Variants in TG observed in about 807,000 individuals in gnomAD.
The protein encoded by TG is thyroid hormones.
In TG, 270 loss-of-function variants were observed where a neutral mutation model predicts 324.7. The ratio of observed to expected loss-of-function variants is 0.83; its 90% CI spans 0.75 to 0.92. The LOEUF is 0.92. TG is among the 40% of genes least tolerant of loss of function. TG has a pLI of 0.00. For missense variants in TG, 3,591 were observed against 3,456.4 expected (o/e 1.04, Z -0.98); for synonymous variants, 1,401 against 1,327.0 (o/e 1.06, Z -1.21).
chr8:132,995,575 A>T (rs1385165106), intron 35 of TG: 2 of 963,512 alleles, frequency 2.1e-6, no homozygotes, highest in Non-Finnish European at 2.5e-6. Flanking sequence ...TTGCCCACGC[A>T]CCCAGGATCA....
Position 132,941,417 on chromosome 8 carries a change from G to A in TG, c.5108G>A (p.Gly1703Glu). 1.4e-5 allele frequency: 22 copies of A among 1,614,218 alleles called. No individual in the cohort carries two copies. Among genetic ancestry groups the A allele is most frequent in the Non-Finnish European group, 1.9e-5 (22 of 1,180,040 alleles). ...EPTGFQNMLS[G>E]LYNPIVFSAS... ...ACTGGTTTCCAAAACATGCTTTCTG[G>A]ATTGTACAACCCCATTGTGTTCTCA... Residue 1703 changes from glycine to glutamate, a missense_variant, in exon 26 of 48, where the codon GGA (glycine) becomes GAA (glutamate). Transcript: ENST00000220616.
At chr8:133,089,094 G>A (rs1847080794) in intron 41 of TG, among the ~76,000 whole-genome samples, 1 of 152,162 alleles carries the variant, frequency 6.6e-6, no homozygotes, top group Admixed American at 6.5e-5. Context: ...GTGCGAGGGT[G>A]GAGACATGGC....
rs546896272 is a variant in TG at position 132,916,651 on chromosome 8, G to A, written c.4379-2725G>A. On this transcript the variant is annotated intron_variant, in intron 20 of 47. Coordinates refer to ENST00000220616, the MANE Select transcript of TG (RefSeq NM_003235.5). ...TGACTCGTGTAGGCACAGCAGCCTT[G>A]ATCCAGGGAATTGGTGACGGCCAGG... Among the ~76,000 whole-genome samples the A allele has an allele frequency of 3.3e-5, 5 of 152,288 alleles. No homozygotes were observed. The South Asian group carries it at 1.0e-3, about 32-fold the overall frequency.
At position 132,983,370 on chromosome 8, in the gene TG, A is replaced by G. The variant is rs1831134975; in HGVS notation, c.6220A>G (p.Ser2074Gly). 2.5e-6 allele frequency: 4 copies of G among 1,614,102 alleles called. No individual in the cohort carries two copies. Among genetic ancestry groups the G allele is most frequent in the South Asian group, 1.1e-5 (1 of 91,076 alleles). Residue 2074 changes from serine to glycine, a missense_variant, in exon 35 of 48, where the codon AGT becomes GGT. By Grantham distance (56) the Ser-to-Gly change is moderately conservative. Coordinates refer to ENST00000220616, the MANE Select transcript of TG (RefSeq NM_003235.5). ...QKPIAQNNAP[S>G]FCPLVVLPSL... Reference sequence around the variant, plus strand: ...TTCAGTTGCTCAAAATAATGCTCCCAGTTTTTGCCCTTTGGTTGTTCTGCC... The same window carrying G: ...TTCAGTTGCTCAAAATAATGCTCCCGGTTTTTGCCCTTTGGTTGTTCTGCC...
chr8:132,992,177 G>A (rs933228678), intron 35 of TG, among the ~76,000 whole-genome samples: 6 of 152,170 alleles, frequency 3.9e-5, no homozygotes, highest in African/African-American at 7.2e-5. Context: ...ACTGGGGTAC[G>A]GCTGTAAATG....
At chr8:132,922,876 C>G (rs1481205248) in intron 21 of TG, among the ~76,000 whole-genome samples, 1 of 152,210 alleles carries the variant, frequency 6.6e-6, no homozygotes, top group Non-Finnish European at 1.5e-5. Context: ...TACCGTCACA[C>G]TGGGCACTGG....
chr8:132,911,731 A>T (rs1819560933), intron 19 of TG, among the ~76,000 whole-genome samples, 198 bp downstream of exon 19: 1 of 152,224 alleles, frequency 6.6e-6, no homozygotes, highest in Admixed American at 6.5e-5. Context: ...TAATGTCAAC[A>T]AAGAGCCTGG....
intron 30 of TG, among the ~76,000 whole-genome samples, chr8:132,967,210 C>G (rs1364053796): frequency 4.8e-5 from 6 of 125,524 alleles, no homozygotes. Context: ...ATCCAACCAT[C>G]CATCCATCCA....
chr8:132,965,029 T>C (rs932159728), intron 29 of TG: 8 of 672,752 alleles, frequency 1.2e-5, no homozygotes, highest in Admixed American at 1.1e-4. Context: ...GTTTCTCTTC[T>C]CTTTCTGCTT....
chr8:132,944,981 G>A (rs1825022007), intron 26 of TG, among the ~76,000 whole-genome samples: 1 of 152,226 alleles, frequency 6.6e-6, no homozygotes, highest in Admixed American at 6.5e-5. Context: ...TACAAGGCCA[G>A]AGGTTTAAGG....
At position 132,913,204 on chromosome 8, in the gene TG, G is replaced by A. The variant is rs757319775; in HGVS notation, c.4317G>A (p.Gly1439=). Residue 1439 remains glycine (G), a synonymous_variant, in exon 20 of 48, where the codon GGG becomes GGA. Transcript: ENST00000220616. ...HFGTSPRTWF[G]CSEGFYQVLT... ...GCACCTCTCCCAGGACATGGTTTGG[G>A]TGCTCGGAAGGATTCTACCAAGTCT... 14 of 1,614,188 alleles carry A rather than the reference G, an allele frequency of 8.7e-6. No individual in the cohort carries two copies. The highest frequency in any genetic ancestry group is 1.2e-5 in the Non-Finnish European group (14 of 1,180,028).
intron 33 of TG, chr8:132,972,177 C>A (rs924993600): frequency 3.0e-5 from 14 of 469,104 alleles, no homozygotes; most frequent in Admixed American, 1.7e-4. Context: ...ACTTTGGATC[C>A]ATTTGCATGA....
Position 132,893,904 on chromosome 8 carries a change from C to T in TG, c.2976C>T (p.Tyr992=), listed in dbSNP as rs755103292. The stretch of plus-strand genomic sequence containing the variant: ...AGCAGTTTCTGCGTGGGAGTGATTA[C>T]GCCATTCGCCTGGCGGCTCAGTCTA... ...FAEQFLRGSD[Y]AIRLAAQSTL... is the part of the protein sequence containing the mutation. The change falls in exon 11 of 48, where the codon TAC becomes TAT. Residue 992 remains tyrosine (Y), a synonymous_variant. Transcript: ENST00000220616. 1.2e-6 allele frequency: 2 copies of T among 1,614,070 alleles called. No individual in the cohort carries two copies. Among genetic ancestry groups the T allele is most frequent in the Non-Finnish European group, 1.7e-6 (2 of 1,179,960 alleles).
intron 27 of TG, among the ~76,000 whole-genome samples, chr8:132,955,405 CCTT>C (rs1826706529): frequency 6.6e-6 from 1 of 152,192 alleles, no homozygotes; most frequent in Admixed American, 6.5e-5. Flanking sequence ...ACTCAACTCA[CCTT>C]CTTGTCAAAA....
chr8:133,044,789 T>C (rs1838995202), intron 41 of TG, among the ~76,000 whole-genome samples: 1 of 152,252 alleles, frequency 6.6e-6, no homozygotes, highest in South Asian at 2.1e-4. Flanking sequence ...TAGCTGCATT[T>C]GACTTATTAA....
intron 37 of TG, among the ~76,000 whole-genome samples, chr8:133,015,649 C>T (rs1834958060): frequency 6.6e-6 from 1 of 152,140 alleles, no homozygotes; most frequent in Non-Finnish European, 1.5e-5. Context: ...TTTGGATGTG[C>T]CACGTATACA....
At chr8:133,051,084 G>T (rs140451912) in intron 41 of TG, among the ~76,000 whole-genome samples, 320 of 152,320 alleles carry the variant, frequency 2.1e-3, no homozygotes, top group Non-Finnish European at 3.3e-3. Context: ...AGATGGCTCT[G>T]CAGGGTGTGC....
At chr8:132,867,564 C>A (rs1330025811) in intron 1 of TG, among the ~76,000 whole-genome samples, 8 of 139,206 alleles carry the variant, frequency 5.7e-5, no homozygotes, top group African/African-American at 2.2e-4. Context: ...AAACAAATAA[C>A]ACACACCTCA....
intron 40 of TG, among the ~76,000 whole-genome samples, chr8:133,029,156 T>C (rs569898930): frequency 2.0e-5 from 3 of 152,166 alleles, no homozygotes; most frequent in Non-Finnish European, 2.9e-5. Context: ...CAACGAGAAG[T>C]GTATGTAGTG....
Sources: allele counts gnomAD v4.1 joint callset (sites outside exome capture counted in the v4.1 genomes callset), GRCh38; gene constraint gnomAD v4.1.1; transcripts MANE v1.5; gene names NCBI Gene and HGNC (gene_info 2026-07-23, HGNC 2026-07-21).